SMC5: variants seen among roughly 807,000 people sequenced by gnomAD.
SMC5 encodes the protein structural maintenance of chromosomes 5, also known as structural maintenance of chromosomes protein 5.
In SMC5, 88 loss-of-function variants were observed where a neutral mutation model predicts 148.3. The ratio of observed to expected loss-of-function variants is 0.59; its 90% CI spans 0.50 to 0.71. The LOEUF (loss-of-function observed/expected upper bound fraction) is 0.71. Among genes scored for constraint, SMC5 ranks in the 30% least tolerant of loss-of-function variants. The pLI is 0.00. For synonymous variants in SMC5, 421 were observed against 432.8 expected, an observed-to-expected ratio of 0.97 and a Z score of 0.34; for missense variants, 1,142 against 1,298.9, an observed-to-expected ratio of 0.88 and a Z score of 1.86.
chr9:70,311,716 AT>A (rs977627651), intron 11 of SMC5: 6 of 151,624 alleles, frequency 4.0e-5, no homozygotes, highest in African/African-American at 1.5e-4. Flanking sequence ...AAAAAAAAAA[AT>A]GTTTTTTAAT....
Position 70,318,946 on chromosome 9 carries a change from C to T in SMC5, c.2133C>T (p.Ile711=). ...AGAAAAGACAACTGGAACAAAAAAT[C>T]AGTTCCAAACTAGGAAGGTATCTTT... The part of the protein sequence containing the change: ...KTKKRQLEQK[I]SSKLGSLKLM... The change falls in exon 15 of 25, where the codon ATC becomes ATT. Residue 711 remains isoleucine, a synonymous_variant. Transcript: ENST00000361138. 1 of 1,607,442 alleles carries T rather than the reference C, an allele frequency of 6.2e-7. No homozygotes were observed. The highest frequency in any genetic ancestry group is 8.5e-7 in the Non-Finnish European group (1 of 1,177,936).
chr9:70,278,445 T>C (rs778863692), intron 4 of SMC5, 46 bp from the exon 5 acceptor site: 30 of 1,570,248 alleles, frequency 1.9e-5, no homozygotes, highest in Admixed American at 5.9e-5. Context: ...TTTGAAGATA[T>C]ATGTAAATGA....
At chr9:70,305,063 T>C (rs914488752) in intron 10 of SMC5, among the ~76,000 whole-genome samples, 184 bp from the exon 11 acceptor site, 3 of 152,194 alleles carry the variant, frequency 2.0e-5, no homozygotes, top group African/African-American at 7.2e-5. Context: ...AACCATGTAC[T>C]GTATTGATTG....
chr9:70,310,934 T>C (rs1209914162), intron 11 of SMC5: 1 of 152,298 alleles, frequency 6.6e-6, no homozygotes, highest in Non-Finnish European at 1.5e-5. Flanking sequence ...AGCCATCAAA[T>C]AATTGAAAAG....
intron 17 of SMC5, among the ~76,000 whole-genome samples, chr9:70,329,348 A>T (rs1216958328): frequency 1.3e-5 from 2 of 152,312 alleles, no homozygotes; most frequent in Middle Eastern, 6.8e-3. Context: ...GCAAATGAGC[A>T]TAGGCTGTTA....
chr9:70,318,473 A>C (rs943224421), intron 13 of SMC5, 41 bp from the exon 14 acceptor site: 21 of 1,401,226 alleles, frequency 1.5e-5, no homozygotes, highest in Non-Finnish European at 2.0e-5. Context: ...AAAACATATA[A>C]TTTATATTAG....
At chr9:70,324,815 C>T (rs1249112552) in intron 17 of SMC5, among the ~76,000 whole-genome samples, 1 of 152,068 alleles carries the variant, frequency 6.6e-6, no homozygotes, top group African/African-American at 2.4e-5. Flanking sequence ...CTATTCTTAA[C>T]GATTATGATT....
intron 10 of SMC5, 78 bp downstream of exon 10, chr9:70,300,278 C>T: frequency 7.8e-7 from 1 of 1,278,534 alleles, no homozygotes; most frequent in Non-Finnish European, 1.1e-6. Flanking sequence ...CATTTTAGTC[C>T]CAATATTACC....
intron 17 of SMC5, among the ~76,000 whole-genome samples, chr9:70,326,094 C>G (rs961515982): frequency 1.3e-5 from 2 of 152,028 alleles, no homozygotes; most frequent in Middle Eastern, 3.2e-3. Flanking sequence ...AAACATCAGT[C>G]ATATTATTAA....
chr9:70,312,550 A>ATGAGGTT (rs1474730027), intron 11 of SMC5, among the ~76,000 whole-genome samples: 3 of 152,198 alleles, frequency 2.0e-5, no homozygotes, highest in African/African-American at 7.2e-5. Context: ...ATCATTAGGT[A>ATGAGGTT]TGAGGTTTGC....
chr9:70,301,831 G>A (rs1293138862), intron 10 of SMC5, among the ~76,000 whole-genome samples: 1 of 152,068 alleles, frequency 6.6e-6, no homozygotes, highest in Non-Finnish European at 1.5e-5. Context: ...TCATAAAGTA[G>A]GTTATGGAAT....
At chr9:70,327,890 A>G (rs2036121687) in intron 17 of SMC5, among the ~76,000 whole-genome samples, 1 of 152,188 alleles carries the variant, frequency 6.6e-6, no homozygotes, top group Non-Finnish European at 1.5e-5. Context: ...CAGGCTGTAT[A>G]GGAAGCGTGG....
intron 15 of SMC5, among the ~76,000 whole-genome samples, chr9:70,320,240 A>G (rs896883895): frequency 6.6e-6 from 1 of 152,236 alleles, no homozygotes; most frequent in Non-Finnish European, 1.5e-5. Context: ...TTGCACATCC[A>G]TGGATTCAAC....
intron 11 of SMC5, chr9:70,310,858 C>T (rs2035638996): frequency 6.6e-6 from 1 of 152,224 alleles, no homozygotes. Context: ...ATGGAAATGA[C>T]TTCTTCCCTT....
At chr9:70,291,663 C>T (rs771800174) in intron 8 of SMC5, among the ~76,000 whole-genome samples, 2 of 152,136 alleles carry the variant, frequency 1.3e-5, no homozygotes, top group Non-Finnish European at 2.9e-5. Flanking sequence ...TAAACAATTG[C>T]TTCTGATTGT....
intron 5 of SMC5, 59 bp from the exon 6 acceptor site, chr9:70,280,700 G>T: frequency 6.7e-7 from 1 of 1,489,900 alleles, no homozygotes; most frequent in African/African-American, 1.4e-5. Flanking sequence ...ATTGTTAAAA[G>T]ATGTGACCTG....
chr9:70,317,557 T>C (rs1347741213), intron 13 of SMC5, among the ~76,000 whole-genome samples: 1 of 152,144 alleles, frequency 6.6e-6, no homozygotes, highest in African/African-American at 2.4e-5. Flanking sequence ...TATGTCTTAC[T>C]TCTTCACTTA....
At chr9:70,312,781 C>T (rs4375070) in intron 11 of SMC5, among the ~76,000 whole-genome samples, 96,856 of 151,970 alleles carry the variant, frequency 0.64, 31,627 homozygotes, top group Non-Finnish European at 0.71. Context: ...GCATAAACTC[C>T]GCTTGGTCAT....
At chr9:70,324,975 C>T (rs965383533) in intron 17 of SMC5, among the ~76,000 whole-genome samples, 25 of 152,112 alleles carry the variant, frequency 1.6e-4, no homozygotes, top group Non-Finnish European at 2.4e-4. Flanking sequence ...GTTCACCAAC[C>T]AGTGGGCCCT....
Sources: gnomAD v4.1 joint callset for allele counts (sites outside exome capture counted in the v4.1 genomes callset) on GRCh38, gnomAD v4.1.1 for gene constraint, MANE v1.5 for transcripts, NCBI Gene and HGNC (gene_info 2026-07-23, HGNC 2026-07-21) for gene names.